SLC1A1: variants seen among roughly 807,000 people sequenced by gnomAD.
The protein encoded by SLC1A1 is excitatory amino acid transporter 3.
In SLC1A1, 43 loss-of-function variants were observed where a neutral mutation model predicts 53.3. That is an observed-to-expected ratio of 0.81 (90% confidence interval 0.63 to 1.04). The LOEUF is 1.04. Ranked by LOEUF, SLC1A1 falls within the 50% of genes least tolerant of loss-of-function variation. The pLI is 0.00. For missense variants in SLC1A1, 748 were observed against 664.9 expected (o/e 1.12, Z -1.37); for synonymous variants, 307 against 243.2 (o/e 1.26, Z -2.44).
At position 4,585,564 on chromosome 9, in the gene SLC1A1, C is replaced by G; in HGVS notation, c.*6C>G. 1 of 1,614,212 alleles carries G rather than the reference C, an allele frequency of 6.2e-7. No individual in the cohort carries two copies. The highest frequency in any genetic ancestry group is 8.5e-7 in the Non-Finnish European group (1 of 1,180,030). ...CCCAGACCTCACAGTTCTAGGGCCC[C>G]TGGCTGCAGATGACTGGAAACAAGG... On this transcript the variant is annotated 3_prime_UTR_variant, in exon 12 of 12. Coordinates refer to ENST00000262352, the MANE Select transcript of SLC1A1 (RefSeq NM_004170.6).
intron 1 of SLC1A1, among the ~76,000 whole-genome samples, chr9:4,510,421 C>T (rs933135498): frequency 6.6e-5 from 10 of 152,178 alleles, no homozygotes; most frequent in Non-Finnish European, 1.3e-4. Flanking sequence ...TAATTGTAAG[C>T]AACAGAAAAT....
chr9:4,552,119 G>C (rs943342608), intron 2 of SLC1A1, among the ~76,000 whole-genome samples: 1 of 152,174 alleles, frequency 6.6e-6, no homozygotes, highest in Non-Finnish European at 1.5e-5. Flanking sequence ...AACCTGATTT[G>C]ATTACTTAAA....
chr9:4,567,743 T>A lies in SLC1A1; in HGVS notation c.558T>A (p.Ala186=). Residue 186 remains alanine (A), a synonymous_variant, in exon 6 of 12, where the codon GCT becomes GCA. Transcript: ENST00000262352. ...ACATGACAGAAGAGTCCTTCACAGC[T>A]GTCATGACAACTGCAATTTCCAAGG... ...EMNMTEESFT[A]VMTTAISKNK... is the part of the protein sequence containing the mutation. 6.2e-7 allele frequency: 1 copy of A among 1,611,530 alleles called. No individual in the cohort carries two copies. The highest frequency in any genetic ancestry group is 8.5e-7 in the Non-Finnish European group (1 of 1,177,804).
rs1014171325 is a variant in SLC1A1 at position 4,586,869 on chromosome 9, T to A, written c.*1311T>A. Reference sequence around the variant, plus strand: ...GTCTCCTCCTCCAGGAGGACTGTTCTAACTAGTAATCTTGGCCCTATTCAT... The same window carrying A: ...GTCTCCTCCTCCAGGAGGACTGTTCAAACTAGTAATCTTGGCCCTATTCAT... On this transcript the variant is annotated 3_prime_UTR_variant, in exon 12 of 12. Coordinates refer to ENST00000262352, the MANE Select transcript of SLC1A1 (RefSeq NM_004170.6). The A allele has an allele frequency of 6.6e-6, 1 of 152,392 alleles. No individual in the cohort carries two copies. The highest frequency in any genetic ancestry group is 1.5e-5 in the Non-Finnish European group (1 of 68,034). The allele number at this position is 152,392 out of a possible 1,614,324, so 9.4% of individuals were successfully genotyped here. A position where few individuals can be genotyped will look rare whatever the true frequency, so the allele number is the denominator to read the frequency against.
intron 3 of SLC1A1, among the ~76,000 whole-genome samples, chr9:4,561,796 C>T (rs1818971746): frequency 6.6e-6 from 1 of 152,072 alleles, no homozygotes; most frequent in Non-Finnish European, 1.5e-5. Flanking sequence ...GAGGCTGAGG[C>T]AGGAGAATCA....
At chr9:4,523,316 A>G (rs1816147643) in intron 1 of SLC1A1, among the ~76,000 whole-genome samples, 1 of 151,730 alleles carries the variant, frequency 6.6e-6, no homozygotes, top group Admixed American at 6.6e-5. Context: ...ATTGAGTCAC[A>G]TTGGAAATAA....
intron 1 of SLC1A1, among the ~76,000 whole-genome samples, chr9:4,526,281 GGGAATGTGATAT>G (rs2130841656): frequency 6.6e-6 from 1 of 152,270 alleles, no homozygotes; most frequent in African/African-American, 2.4e-5. Context: ...AAACAAAATA[GGGAATGTGATAT>G]GGAATACTGA....
chr9:4,549,018 T>C lies in SLC1A1; in HGVS notation c.232+4311T>C, dbSNP rs1456562872. On this transcript the variant is annotated intron_variant, in intron 2 of 11. Coordinates refer to ENST00000262352, the MANE Select transcript of SLC1A1 (RefSeq NM_004170.6). This position sits in a 1 kb window ranked among gnomAD's most constrained non-coding sequence, Gnocchi z 4.1. ...AGCTTATGAATATGCCTGAGAATTG[T>C]GGCTCTGGAAAAATCCTGGTCCAGC... 6.6e-6 allele frequency among the ~76,000 whole-genome samples: 1 copy of C among 152,220 alleles called. No homozygotes were observed. Among genetic ancestry groups the C allele is most frequent in the Non-Finnish European group, 1.5e-5 (1 of 68,040 alleles).
chr9:4,571,132 C>T (rs948930381), intron 6 of SLC1A1, among the ~76,000 whole-genome samples: 2 of 152,104 alleles, frequency 1.3e-5, no homozygotes. Context: ...AACACAGGAA[C>T]AGAAAACCAA....
In SLC1A1 at chr9:4,543,074, T is replaced by C. The variant is rs1303780705; in HGVS notation, c.92-1493T>C. ...CTAAGGATAAGGTTAGTATACAAAA[T>C]GCATCTTGTGAGGTTCATCTATTTG... On this transcript the variant is annotated intron_variant, in intron 1 of 11. Coordinates refer to ENST00000262352, the MANE Select transcript of SLC1A1 (RefSeq NM_004170.6). Among the ~76,000 whole-genome samples the C allele has an allele frequency of 3.3e-5, 5 of 152,336 alleles. No individual in the cohort carries two copies. The East Asian group carries it at 7.7e-4, about 23-fold the overall frequency.
intron 1 of SLC1A1, among the ~76,000 whole-genome samples, chr9:4,529,969 G>T (rs957285862): frequency 6.6e-6 from 1 of 152,178 alleles, no homozygotes; most frequent in Non-Finnish European, 1.5e-5. Flanking sequence ...GTTGGACAAT[G>T]AAGAAAATAT....
chr9:4,512,989 C>T lies in SLC1A1; in HGVS notation c.91+22219C>T, dbSNP rs774874412. Among the ~76,000 whole-genome samples, 41 of 151,902 alleles carry T rather than the reference C, an allele frequency of 2.7e-4. No homozygotes were observed. The Middle Eastern group carries it at 0.014, about 50-fold the overall frequency. On this transcript the variant is annotated intron_variant, in intron 1 of 11. Coordinates refer to ENST00000262352, the MANE Select transcript of SLC1A1 (RefSeq NM_004170.6). ...TTCAAAGAGCAAAGGATAGTCTTTC[C>T]AACAAATGGTATTGGAACAACTAGA...
intron 1 of SLC1A1, 69 bp from the exon 2 acceptor site, chr9:4,544,497 TC>T: frequency 7.2e-7 from 1 of 1,396,312 alleles, no homozygotes; most frequent in South Asian, 1.2e-5. Flanking sequence ...GGAGTATTTT[TC>T]CATAGACATA....
intron 1 of SLC1A1, among the ~76,000 whole-genome samples, chr9:4,512,518 AAAC>A (rs1217762168): frequency 6.6e-6 from 1 of 152,104 alleles, no homozygotes; most frequent in East Asian, 1.9e-4. Flanking sequence ...CAAAAAAAAC[AAAC>A]AACAAATAAA....
chr9:4,569,423 G>C (rs1819813254), intron 6 of SLC1A1, among the ~76,000 whole-genome samples: 2 of 152,136 alleles, frequency 1.3e-5, no homozygotes, highest in Admixed American at 6.5e-5. Context: ...GTTTAGGATG[G>C]GATTTGCTGC....
intron 2 of SLC1A1, among the ~76,000 whole-genome samples, chr9:4,557,434 A>AGAGAT (rs1818517591): frequency 6.6e-6 from 1 of 152,180 alleles, no homozygotes; most frequent in South Asian, 2.1e-4. Context: ...TAGGGTCTAG[A>AGAGAT]GAGATTGGGC....
At chr9:4,544,431 A>G in intron 1 of SLC1A1, 136 bp from the exon 2 acceptor site, 1 of 770,534 alleles carries the variant, frequency 1.3e-6, no homozygotes, top group South Asian at 1.5e-5. Context: ...TCTAGATTTT[A>G]CAGACTCATG....
intron 1 of SLC1A1, among the ~76,000 whole-genome samples, chr9:4,532,618 A>T (rs1211566922): frequency 6.6e-6 from 1 of 152,214 alleles, no homozygotes; most frequent in African/African-American, 2.4e-5. Flanking sequence ...GGGAGAAAGG[A>T]ACCAAGTTGG....
At chr9:4,528,014 T>C (rs1323628241) in intron 1 of SLC1A1, among the ~76,000 whole-genome samples, 2 of 152,218 alleles carry the variant, frequency 1.3e-5, no homozygotes, top group Non-Finnish European at 2.9e-5. Flanking sequence ...TCTGTGTTTA[T>C]TTCCCTCTCG....
Sources: gnomAD v4.1 joint callset for allele counts (sites outside exome capture counted in the v4.1 genomes callset) on GRCh38, gnomAD v4.1.1 for gene constraint, Gnocchi (gnomAD v3.1) non-coding constraint, MANE v1.5 for transcripts, NCBI Gene and HGNC (gene_info 2026-07-23, HGNC 2026-07-21) for gene names.